The following RRM2 variants were observed in gnomAD, a reference collection of about 807,000 sequenced individuals.
RRM2 encodes the protein ribonucleoside-diphosphate reductase subunit M2.
RRM2 carries 6 observed loss-of-function variants against 45.9 expected under a neutral mutation model. The ratio of observed to expected loss-of-function variants is 0.13; its 90% CI spans 0.07 to 0.26. The LOEUF (loss-of-function observed/expected upper bound fraction) is 0.26. Among genes scored for constraint, RRM2 ranks in the 10% least tolerant of loss-of-function variants. The pLI is 1.00. For missense variants in RRM2, 343 were observed against 489.5 expected (o/e 0.70, Z 2.82); for synonymous variants, 177 against 173.0 (o/e 1.02, Z -0.18).
rs368229807 is a variant in RRM2, at chr2:10,171,293, A to C, written n.482+28918A>C. The stretch of plus-strand genomic sequence containing the variant: ...AATGAGATAAGACAAACACAGAGCA[A>C]CTCCTTGCTAACAGCCATGCAGTAC... On this transcript the variant is annotated intron_variant and non_coding_transcript_variant, in intron 3 of 3. Transcript: ENST00000381786. The surrounding 1 kb of genome is among the most constrained non-coding windows in gnomAD (Gnocchi z 4.1). 2.0e-4 allele frequency among the ~76,000 whole-genome samples: 30 copies of C among 152,246 alleles called. 2 individuals are homozygous for C. The highest frequency in any genetic ancestry group is 1.2e-3 in the Admixed American group (19 of 15,284).
chr2:10,191,259 G>A (rs1194123120), intron 3 of RRM2, among the ~76,000 whole-genome samples: 1 of 152,258 alleles, frequency 6.6e-6, no homozygotes, highest in African/African-American at 2.4e-5. Flanking sequence ...TCTTGGGGCA[G>A]CGTGGCCTTG....
exon 1 of RRM2, chr2:10,141,607 A>C (rs971937823): frequency 1.9e-6 from 1 of 529,830 alleles, no homozygotes; most frequent in East Asian, 3.3e-5. Flanking sequence ...TCAAGAATGC[A>C]TGTGCTTAAG....
intron 3 of RRM2, among the ~76,000 whole-genome samples, chr2:10,168,382 C>A (rs556876064): frequency 1.3e-5 from 2 of 152,268 alleles, no homozygotes; most frequent in South Asian, 4.1e-4. Flanking sequence ...CCTGGCAGGG[C>A]TTCCCCTCCA....
At chr2:10,137,659 C>T (rs908550075), upstream of RRM2, among the ~76,000 whole-genome samples, 4 of 152,324 alleles carry the variant, frequency 2.6e-5, no homozygotes, top group Non-Finnish European at 5.9e-5. Flanking sequence ...TGGAGCCTCA[C>T]GCTTAGGAAT....
chr2:10,153,172 A>C (rs1663351351), intron 3 of RRM2, among the ~76,000 whole-genome samples: 1 of 151,944 alleles, frequency 6.6e-6, no homozygotes, highest in African/African-American at 2.4e-5. Context: ...TCTCTACCAA[A>C]AATACAAAAA....
intron 3 of RRM2, among the ~76,000 whole-genome samples, chr2:10,183,599 C>A (rs1664104116): frequency 6.6e-6 from 1 of 152,334 alleles, no homozygotes; most frequent in East Asian, 1.9e-4. Flanking sequence ...CCTGTAATCC[C>A]AGCATTTTGG....
exon 3 of RRM2, chr2:10,142,358 GGCA>G (rs750015978): frequency 7.3e-7 from 1 of 1,374,060 alleles, no homozygotes; most frequent in Non-Finnish European, 9.7e-7. Context: ...GGAAGCGGGA[GGCA>G]GTTGCAGCTT....
chr2:10,196,397 C>T (rs1017341004), intron 3 of RRM2, among the ~76,000 whole-genome samples: 13 of 152,304 alleles, frequency 8.5e-5, no homozygotes, highest in African/African-American at 2.6e-4. Context: ...CATTAGGGAT[C>T]GGCAGAGACC....
At chr2:10,163,474 C>G (rs1663611419) in intron 3 of RRM2, among the ~76,000 whole-genome samples, 2 of 152,166 alleles carry the variant, frequency 1.3e-5, no homozygotes, top group Admixed American at 1.3e-4. Flanking sequence ...AGGGCCACTC[C>G]CCTCAGTCCA....
At chr2:10,156,026 C>T (rs777882714) in intron 3 of RRM2, 1 of 152,234 alleles carries the variant, frequency 6.6e-6, no homozygotes, top group Admixed American at 6.5e-5. Context: ...GTTTCTCTGG[C>T]CTGAGTCTGC....
intron 3 of RRM2, among the ~76,000 whole-genome samples, chr2:10,208,465 CA>C (rs1664701001): frequency 6.6e-6 from 1 of 152,126 alleles, no homozygotes; most frequent in Non-Finnish European, 1.5e-5. Flanking sequence ...TGAGCAGACA[CA>C]AAAGAATATG....
intron 3 of RRM2, among the ~76,000 whole-genome samples, chr2:10,184,062 C>T (rs961986932): frequency 8.9e-5 from 11 of 124,022 alleles, no homozygotes; most frequent in Non-Finnish European, 1.6e-5. Context: ...CACTGCACTA[C>T]AGCCTGGGTG....
At chr2:10,206,716 G>C (rs1185212815) in intron 3 of RRM2, among the ~76,000 whole-genome samples, 2 of 152,188 alleles carry the variant, frequency 1.3e-5, no homozygotes, top group Non-Finnish European at 2.9e-5. Context: ...AGATCCATCA[G>C]AGTGAAACTG....
downstream of RRM2, among the ~76,000 whole-genome samples, chr2:10,136,176 C>G (rs1662986660): frequency 6.6e-6 from 1 of 152,172 alleles, no homozygotes; most frequent in Admixed American, 6.5e-5. Flanking sequence ...GGTCAAATGA[C>G]TGCTCACAAG....
chr2:10,206,471 A>AAG (rs1209884132), intron 3 of RRM2, among the ~76,000 whole-genome samples: 1 of 152,210 alleles, frequency 6.6e-6, no homozygotes, highest in South Asian at 2.1e-4. Flanking sequence ...ACTCAGCAAT[A>AAG]AGAGAAGTAT....
chr2:10,191,219 A>G (rs66706988), intron 3 of RRM2, among the ~76,000 whole-genome samples: 3,625 of 152,210 alleles, frequency 0.024, 92 homozygotes, highest in Non-Finnish European at 0.036. Context: ...ATCAGCCCCT[A>G]GGGGTTGGCT....
At chr2:10,164,058 A>C (rs1663629276) in intron 3 of RRM2, among the ~76,000 whole-genome samples, 1 of 151,892 alleles carries the variant, frequency 6.6e-6, no homozygotes, top group African/African-American at 2.4e-5. Flanking sequence ...GTGTGTGTGC[A>C]TGAGTGAACG....
chr2:10,139,665 C>T (rs564281155), upstream of RRM2, among the ~76,000 whole-genome samples: 12 of 152,344 alleles, frequency 7.9e-5, no homozygotes, highest in South Asian at 2.3e-3. Context: ...TCTATGGTCC[C>T]AGCCTTCGGT....
chr2:10,210,420 C>T (rs751606346), exon 4 of RRM2: 3 of 1,367,638 alleles, frequency 2.2e-6, no homozygotes, highest in South Asian at 2.3e-5. Flanking sequence ...AGAGTCCCTT[C>T]CAGACAGGGA....
Sources: allele counts gnomAD v4.1 joint callset (sites outside exome capture counted in the v4.1 genomes callset), GRCh38; gene constraint gnomAD v4.1.1; non-coding constraint Gnocchi (gnomAD v3.1); transcripts MANE v1.5; gene names NCBI Gene and HGNC (gene_info 2026-07-23, HGNC 2026-07-21).